CCNB3: variants seen among roughly 807,000 people sequenced by gnomAD.
CCNB3 encodes cyclin B3.
A neutral mutation model predicts 68.0 loss-of-function variants in CCNB3; 12 were observed. The observed-to-expected ratio is 0.18, with a 90% CI of 0.11 to 0.29. CCNB3 has a LOEUF of 0.29. CCNB3 is among the 10% of genes least tolerant of loss of function. CCNB3 has a pLI of 1.00. For synonymous variants in CCNB3, 354 were observed against 388.9 expected (o/e 0.91, Z 1.06); for missense variants, 904 against 993.1 (o/e 0.91, Z 1.21).
At position 50,351,711 on chromosome X, in the gene CCNB3, C is replaced by T; in HGVS notation, c.*8C>T. The stretch of plus-strand genomic sequence containing the variant: ...CAGGGCCTGGTACTCTAGCAGCAGC[C>T]ACAGGGCTAAGCATGCATGTTAACA... On this transcript the variant is annotated 3_prime_UTR_variant, in exon 13 of 13. Transcript: ENST00000376042. 2 of 1,179,078 alleles carry T rather than the reference C, an allele frequency of 1.7e-6. No homozygotes were observed. The highest frequency in any genetic ancestry group is 2.3e-6 in the Non-Finnish European group (2 of 866,481).
intron 8 of CCNB3, among the ~76,000 whole-genome samples, chrX:50,320,624 CTATT>C (rs1433331295): frequency 3.6e-5 from 4 of 109,596 alleles, no homozygotes; most frequent in African/African-American, 6.6e-5. Context: ...AATTTTATAA[CTATT>C]TAAAAAATAG....
intron 8 of CCNB3, among the ~76,000 whole-genome samples, chrX:50,317,817 G>GC (rs1557216038): frequency 1.8e-5 from 2 of 110,903 alleles, no homozygotes; most frequent in Non-Finnish European, 3.8e-5. Flanking sequence ...TGATCCGCCT[G>GC]CCTCAGCCTC....
At chrX:50,223,642 C>T (rs1469393329) in intron 1 of CCNB3, among the ~76,000 whole-genome samples, 4 of 112,386 alleles carry the variant, frequency 3.6e-5, no homozygotes, top group South Asian at 3.7e-4. Flanking sequence ...CTGAAAGCTT[C>T]GTCCCAGAGG....
chrX:50,351,701 T>C lies in CCNB3; in HGVS notation c.4186T>C (p.Ter1396GlnextTer6), dbSNP rs1311841911. The C allele has an allele frequency of 3.3e-6, 4 of 1,198,573 alleles. No individual in the cohort carries two copies. The highest frequency in any genetic ancestry group is 2.3e-4 in the Middle Eastern group (1 of 4,320). ...CDCEAQGLVL[*>Q] ...TTGTGAGGCTCAGGGCCTGGTACTC[T>C]AGCAGCAGCCACAGGGCTAAGCATG... The change falls in exon 13 of 13, where the codon TAG becomes CAG. Residue 1396 changes from the stop codon to glutamine, a stop_lost. Transcript: ENST00000376042.
chrX:50,350,560 T>G (rs1489733135), intron 11 of CCNB3, among the ~76,000 whole-genome samples: 3 of 111,554 alleles, frequency 2.7e-5, no homozygotes, highest in Non-Finnish European at 3.8e-5. Context: ...GGCTGTGGAG[T>G]TGGCACCTAA....
At chrX:50,339,635 A>G (rs1923026407) in intron 8 of CCNB3, among the ~76,000 whole-genome samples, 1 of 111,859 alleles carries the variant, frequency 8.9e-6, no homozygotes, top group Non-Finnish European at 1.9e-5. Context: ...CCTGTCTCTC[A>G]AAAAAGAAAA....
At chrX:50,292,837 C>T (rs1936373785) in intron 4 of CCNB3, among the ~76,000 whole-genome samples, 1 of 111,400 alleles carries the variant, frequency 9.0e-6, no homozygotes, top group African/African-American at 3.3e-5. Context: ...TTCTTTCCAG[C>T]TTAAAAAGAT....
intron 8 of CCNB3, among the ~76,000 whole-genome samples, chrX:50,334,621 A>G (rs1329484744): frequency 8.9e-6 from 1 of 112,557 alleles, no homozygotes; most frequent in Non-Finnish European, 1.9e-5. Flanking sequence ...AGTCTGGGTT[A>G]AAACTCCAAC....
At chrX:50,222,000 C>G (rs1363116631) in intron 1 of CCNB3, among the ~76,000 whole-genome samples, 1 of 111,205 alleles carries the variant, frequency 9.0e-6, no homozygotes, top group African/African-American at 3.3e-5. Flanking sequence ...GGTTGTTGCA[C>G]TGATCCCTTT....
At chrX:50,335,886 C>T (rs1004728043) in intron 8 of CCNB3, among the ~76,000 whole-genome samples, 11 of 111,686 alleles carry the variant, frequency 9.8e-5, no homozygotes, top group African/African-American at 3.6e-4. Context: ...CAGGCATATA[C>T]AAGAACTGGT....
chrX:50,336,774 G>C (rs188679942), intron 8 of CCNB3, among the ~76,000 whole-genome samples: 98 of 111,135 alleles, frequency 8.8e-4, no homozygotes, highest in Non-Finnish European at 1.3e-3. Context: ...TCCCACTGGT[G>C]GCCTGTTCCT....
intron 5 of CCNB3, among the ~76,000 whole-genome samples, chrX:50,301,218 TAG>T (rs1267569722): frequency 3.6e-5 from 4 of 111,658 alleles, no homozygotes; most frequent in African/African-American, 1.3e-4. Context: ...CTCTGATTTT[TAG>T]AGTTTCCAGT....
At chrX:50,300,143 A>G (rs981754700) in intron 5 of CCNB3, among the ~76,000 whole-genome samples, 14 of 111,588 alleles carry the variant, frequency 1.3e-4, no homozygotes, top group African/African-American at 3.9e-4. Flanking sequence ...ATTTAAGGTT[A>G]GTATTGTTAT....
At chrX:50,351,100 C>A (rs781850464) in intron 11 of CCNB3, 141 bp from the exon 12 acceptor site, 50 of 629,870 alleles carry the variant, frequency 7.9e-5, no homozygotes, top group Non-Finnish European at 1.2e-4. Flanking sequence ...TGATCAGCGT[C>A]CAGATGGTGT....
chrX:50,321,950 TCTCA>T (rs1482608126), intron 8 of CCNB3, among the ~76,000 whole-genome samples: 1 of 110,925 alleles, frequency 9.0e-6, no homozygotes, highest in African/African-American at 3.3e-5. Flanking sequence ...TTCATATTGG[TCTCA>T]CTAACTTAAA....
At chrX:50,345,564 T>C (rs782665791) in intron 9 of CCNB3, among the ~76,000 whole-genome samples, 28 of 111,060 alleles carry the variant, frequency 2.5e-4, no homozygotes, top group African/African-American at 8.5e-4. Flanking sequence ...TCTCCCTTCC[T>C]TTTTTACTCT....
intron 1 of CCNB3, among the ~76,000 whole-genome samples, chrX:50,228,523 A>C (rs1935971491): frequency 1.1e-5 from 1 of 90,233 alleles, no homozygotes; most frequent in Non-Finnish European, 2.1e-5. Context: ...TATAGAGGTT[A>C]TATCTATATA....
intron 1 of CCNB3, among the ~76,000 whole-genome samples, chrX:50,217,093 T>C (rs1935583285): frequency 9.0e-6 from 1 of 110,771 alleles, no homozygotes; most frequent in African/African-American, 3.3e-5. Context: ...GTCTGTTGAA[T>C]TGACCCATAC....
At chrX:50,316,069 C>T (rs374855333) in intron 8 of CCNB3, among the ~76,000 whole-genome samples, 1 of 111,195 alleles carries the variant, frequency 9.0e-6, no homozygotes, top group Admixed American at 9.6e-5. Flanking sequence ...GTGGGAGGGA[C>T]GCAGTGGGAG....
Sources: gnomAD v4.1 joint callset for allele counts (sites outside exome capture counted in the v4.1 genomes callset) on GRCh38, gnomAD v4.1.1 for gene constraint, MANE v1.5 for transcripts, NCBI Gene and HGNC (gene_info 2026-07-23, HGNC 2026-07-21) for gene names.